The following CEP164 variants were observed in gnomAD, a reference collection of about 807,000 sequenced individuals.
The protein encoded by CEP164 is centrosomal protein 164.
Under a neutral mutation model 182.7 loss-of-function variants are expected in CEP164, and 162 were observed. The observed-to-expected ratio is 0.89, with a 90% CI of 0.78 to 1.01. The LOEUF is 1.01. CEP164 is among the 50% of genes least tolerant of loss of function. CEP164 has a pLI of 0.00. For synonymous variants in CEP164, 661 were observed against 690.0 expected (o/e 0.96, Z 0.66); for missense variants, 1,735 against 1,790.4 (o/e 0.97, Z 0.56).
intron 1 of CEP164, among the ~76,000 whole-genome samples, chr11:117,331,166 C>T (rs373392220): frequency 3.1e-4 from 47 of 152,312 alleles, no homozygotes; most frequent in Non-Finnish European, 3.1e-4. Flanking sequence ...TCTAGCTATG[C>T]TGACAAAGTA....
upstream of CEP164, among the ~76,000 whole-genome samples, chr11:117,323,634 G>A (rs1274622768): frequency 1.3e-5 from 2 of 152,158 alleles, no homozygotes; most frequent in Non-Finnish European, 2.9e-5. Context: ...GCTGGATTGT[G>A]TGGTAGTTCT....
At chr11:117,375,663 C>T (rs1191963234) in intron 10 of CEP164, 45 bp from the exon 11 acceptor site, 2 of 1,566,850 alleles carry the variant, frequency 1.3e-6, no homozygotes, top group African/African-American at 1.4e-5. Flanking sequence ...TGGGTGTTGA[C>T]TGTGACAGAG....
upstream of CEP164, among the ~76,000 whole-genome samples, chr11:117,325,157 T>A (rs996169560): frequency 3.3e-5 from 5 of 152,154 alleles, no homozygotes; most frequent in African/African-American, 1.2e-4. Flanking sequence ...TGATCTTGGC[T>A]CACTGCAACC....
At chr11:117,339,394 AC>A (rs2037725830) in intron 3 of CEP164, among the ~76,000 whole-genome samples, 1 of 152,184 alleles carries the variant, frequency 6.6e-6, no homozygotes, top group African/African-American at 2.4e-5. Context: ...CTAAGCACGA[AC>A]TTAGAGCAGT....
At chr11:117,406,402 T>G (rs1049779289) in intron 27 of CEP164, among the ~76,000 whole-genome samples, 1 of 152,190 alleles carries the variant, frequency 6.6e-6, no homozygotes, top group African/African-American at 2.4e-5. Context: ...TTCAGGTCCC[T>G]CCCACAACAC....
chr11:117,382,704 C>T (rs2043476774), intron 13 of CEP164, 92 bp from the exon 14 acceptor site: 1 of 1,450,686 alleles, frequency 6.9e-7, no homozygotes, highest in African/African-American at 1.4e-5. Flanking sequence ...TCTCTTGTCT[C>T]TGTCATAGCT....
intron 11 of CEP164, 82 bp from the exon 12 acceptor site, chr11:117,380,532 T>TA (rs2136115275): frequency 8.6e-7 from 1 of 1,160,246 alleles, no homozygotes; most frequent in Non-Finnish European, 1.3e-6. Flanking sequence ...TGCTTTCGTC[T>TA]AAGCTTGAGA....
At chr11:117,354,867 G>A (rs2040129761) in intron 5 of CEP164, 1 of 1,195,362 alleles carries the variant, frequency 8.4e-7, no homozygotes, top group South Asian at 1.5e-5. Flanking sequence ...CCAGGGCTGA[G>A]GTAGCAAGTG....
intron 5 of CEP164, among the ~76,000 whole-genome samples, chr11:117,352,633 C>G (rs1228303183): frequency 6.6e-6 from 1 of 152,190 alleles, no homozygotes; most frequent in East Asian, 1.9e-4. Context: ...GTCACCCAGG[C>G]TGGAGTACAG....
At chr11:117,355,795 T>A in intron 5 of CEP164, 1 of 1,106,290 alleles carries the variant, frequency 9.0e-7, no homozygotes, top group Non-Finnish European at 1.1e-6. Flanking sequence ...CCAGTGACCC[T>A]GAGGCTCTAG....
At chr11:117,345,351 C>T (rs557288424) in intron 4 of CEP164, among the ~76,000 whole-genome samples, 1 of 152,174 alleles carries the variant, frequency 6.6e-6, no homozygotes, top group Non-Finnish European at 1.5e-5. Context: ...TCCGTGTTCT[C>T]CATGTCTACT....
chr11:117,334,050 A>AT (rs1205444691), intron 1 of CEP164, among the ~76,000 whole-genome samples: 1 of 152,022 alleles, frequency 6.6e-6, no homozygotes, highest in East Asian at 1.9e-4. Context: ...AATCAGGCTT[A>AT]TTTCCTTCAG....
At chr11:117,331,701 G>T (rs2036226114) in intron 1 of CEP164, among the ~76,000 whole-genome samples, 1 of 151,706 alleles carries the variant, frequency 6.6e-6, no homozygotes, top group Non-Finnish European at 1.5e-5. Flanking sequence ...GGGAAGGAAG[G>T]TGGACCAAAA....
chr11:117,410,115 C>T (rs1480929519), intron 30 of CEP164, 150 bp downstream of exon 30: 1 of 783,024 alleles, frequency 1.3e-6, no homozygotes, highest in Non-Finnish European at 2.2e-6. Flanking sequence ...TTACCATAGT[C>T]CATTGGTCCA....
chr11:117,399,543 C>T (rs1287827502), intron 27 of CEP164, among the ~76,000 whole-genome samples: 1 of 152,180 alleles, frequency 6.6e-6, no homozygotes, highest in Non-Finnish European at 1.5e-5. Flanking sequence ...GTTCTAGATC[C>T]TTGAGGCATC....
chr11:117,352,022 A>G (rs2039702497), intron 5 of CEP164, 34 bp downstream of exon 5: 5 of 1,534,278 alleles, frequency 3.3e-6, no homozygotes, highest in Non-Finnish European at 4.4e-6. Context: ...CAGAGAGGCC[A>G]GGGCTGAAAT....
rs1428144125 is a variant in CEP164, at chr11:117,394,046, T to C, written c.2617-304T>C. ...GACCTTGCTGAAGAATAGTGATAAT[T>C]TATCAGTGACCTCTCATTCCTTACA... On this transcript the variant is annotated intron_variant, in intron 20 of 32. Coordinates refer to ENST00000278935, the MANE Select transcript of CEP164 (RefSeq NM_014956.5). This position sits in a 1 kb window ranked among gnomAD's most constrained non-coding sequence, Gnocchi z 4.0. Among the ~76,000 whole-genome samples the C allele has an allele frequency of 1.3e-5, 2 of 152,224 alleles. No individual in the cohort carries two copies. Among genetic ancestry groups the C allele is most frequent in the South Asian group, 2.1e-4 (1 of 4,834 alleles).
In CEP164 at chr11:117,393,069, G is replaced by A. The variant is rs754945599; in HGVS notation, c.2559G>A (p.Lys853=). 1 of 1,613,864 alleles carries A rather than the reference G, an allele frequency of 6.2e-7. No individual in the cohort carries two copies. Among genetic ancestry groups the A allele is most frequent in the African/African-American group, 1.3e-5 (1 of 75,080 alleles). The change falls in exon 20 of 33, where the codon AAG becomes AAA. Residue 853 remains lysine, a synonymous_variant. Transcript: ENST00000278935. ...VEGEHERRLD[K]MKEEHQQVMA... is the part of the protein sequence containing the mutation. ...GGGAGCATGAGAGGAGGTTGGACAA[G>A]ATGAAGGAGGAGCACCAGCAAGTGA...
At chr11:117,341,631 A>T (rs1206438121) in intron 3 of CEP164, among the ~76,000 whole-genome samples, 1 of 152,014 alleles carries the variant, frequency 6.6e-6, no homozygotes, top group African/African-American at 2.4e-5. Context: ...GTGTTGGTAG[A>T]GATGGGGTCT....
Sources: gnomAD v4.1 joint callset for allele counts (sites outside exome capture counted in the v4.1 genomes callset) on GRCh38, gnomAD v4.1.1 for gene constraint, Gnocchi (gnomAD v3.1) non-coding constraint, MANE v1.5 for transcripts, NCBI Gene and HGNC (gene_info 2026-07-23, HGNC 2026-07-21) for gene names.